BMAL2: variants seen among roughly 807,000 people sequenced by gnomAD.
BMAL2 encodes basic helix-loop-helix ARNT like 2, also known as basic helix-loop-helix ARNT-like protein 2.
the BMAL2 span, among the ~76,000 whole-genome samples, chr12:27,412,158 C>G: frequency 6.6e-6 from 1 of 152,116 alleles, no homozygotes; most frequent in Non-Finnish European, 1.5e-5. Flanking sequence ...ATTATTTGAC[C>G]ATATATACTG....
chr12:27,346,062 A>G, the BMAL2 span, among the ~76,000 whole-genome samples: 1 of 152,206 alleles, frequency 6.6e-6, no homozygotes, highest in Non-Finnish European at 1.5e-5. Context: ...GAACAAATGA[A>G]TGAGCTTGGG....
chr12:27,385,493 C>A, the BMAL2 span: 1 of 1,606,114 alleles, frequency 6.2e-7, no homozygotes, highest in Non-Finnish European at 8.5e-7. Flanking sequence ...TTGACAAATT[C>A]TTATGTGGGA....
At chr12:27,404,656 C>G in the BMAL2 span, among the ~76,000 whole-genome samples, 1 of 152,198 alleles carries the variant, frequency 6.6e-6, no homozygotes, top group Non-Finnish European at 1.5e-5. Flanking sequence ...CAGCTCCAGT[C>G]TACAGCTCCC....
the BMAL2 span, chr12:27,389,387 T>A: frequency 2.6e-6 from 2 of 772,294 alleles, no homozygotes; most frequent in Non-Finnish European, 2.1e-6. Context: ...AACAGCTAAC[T>A]AAGCTTTTAT....
the BMAL2 span, chr12:27,403,532 A>G: frequency 1.3e-6 from 2 of 1,584,222 alleles, no homozygotes; most frequent in South Asian, 1.1e-5. Flanking sequence ...GAAATTCTGG[A>G]TTTACAGAGG....
At chr12:27,400,491 T>C in the BMAL2 span, 11 of 1,469,810 alleles carry the variant, frequency 7.5e-6, no homozygotes, top group Middle Eastern at 1.8e-4. Context: ...TAATGACTTA[T>C]TTATAATGAT....
chr12:27,413,597 C>A, the BMAL2 span, among the ~76,000 whole-genome samples: 1 of 152,094 alleles, frequency 6.6e-6, no homozygotes, highest in African/African-American at 2.4e-5. Flanking sequence ...AAGAATGGAA[C>A]AAAGGAACTA....
At chr12:27,397,983 G>A in the BMAL2 span, among the ~76,000 whole-genome samples, 3 of 152,186 alleles carry the variant, frequency 2.0e-5, no homozygotes, top group African/African-American at 4.8e-5. Flanking sequence ...GTCCAAAGCC[G>A]GGACTCTCCG....
the BMAL2 span, among the ~76,000 whole-genome samples, chr12:27,392,445 CTTAGTCATA>C: frequency 6.7e-6 from 1 of 148,670 alleles, no homozygotes; most frequent in Non-Finnish European, 1.5e-5. Context: ...CATCAGTCAT[CTTAGTCATA>C]CCATAGCGAC....
chr12:27,363,397 A>C, the BMAL2 span, among the ~76,000 whole-genome samples: 1 of 152,194 alleles, frequency 6.6e-6, no homozygotes, highest in Non-Finnish European at 1.5e-5. Flanking sequence ...GTAATGCAAA[A>C]ATGGTTTCCA....
chr12:27,370,218 C>G, the BMAL2 span: 2 of 1,613,204 alleles, frequency 1.2e-6, no homozygotes, highest in Non-Finnish European at 1.7e-6. Context: ...ATATCAGCCT[C>G]CAGTGGCAGC....
chr12:27,340,325 C>G, the BMAL2 span, among the ~76,000 whole-genome samples: 2 of 152,156 alleles, frequency 1.3e-5, no homozygotes, highest in African/African-American at 4.8e-5. Flanking sequence ...ATATTGCTAG[C>G]CAGTTATCCC....
the BMAL2 span, among the ~76,000 whole-genome samples, chr12:27,345,842 T>C: frequency 1.3e-5 from 2 of 152,178 alleles, no homozygotes; most frequent in Admixed American, 6.5e-5. Flanking sequence ...TATTAATCTT[T>C]TATTGCAAAG....
the BMAL2 span, among the ~76,000 whole-genome samples, chr12:27,359,122 T>A: frequency 6.6e-6 from 1 of 152,194 alleles, no homozygotes; most frequent in Non-Finnish European, 1.5e-5. Context: ...AGTGCCTTTT[T>A]TCCAAAGCAG....
the BMAL2 span, among the ~76,000 whole-genome samples, chr12:27,383,050 T>C: frequency 6.6e-6 from 1 of 152,226 alleles, no homozygotes; most frequent in Non-Finnish European, 1.5e-5. Flanking sequence ...CTCTGCAGCA[T>C]GAGGTCCTGT....
chr12:27,371,293 A>G, the BMAL2 span, among the ~76,000 whole-genome samples: 1 of 152,200 alleles, frequency 6.6e-6, no homozygotes, highest in East Asian at 1.9e-4. Context: ...GGCTGCAGTG[A>G]GCTATGGTCA....
chr12:27,369,940 G>A, the BMAL2 span, among the ~76,000 whole-genome samples: 2 of 152,176 alleles, frequency 1.3e-5, no homozygotes, highest in Non-Finnish European at 2.9e-5. Context: ...GAAATGTCAA[G>A]CAGTTTGCCC....
At chr12:27,419,754 A>T in the BMAL2 span, among the ~76,000 whole-genome samples, 1 of 152,336 alleles carries the variant, frequency 6.6e-6, no homozygotes, top group East Asian at 1.9e-4. Flanking sequence ...GTTCCACTGT[A>T]CTTTGACACA....
the BMAL2 span, among the ~76,000 whole-genome samples, chr12:27,406,353 G>C: frequency 2.0e-5 from 3 of 152,286 alleles, no homozygotes; most frequent in Non-Finnish European, 4.4e-5. Flanking sequence ...GAAAGGTCAG[G>C]TTACCCACAA....
Sources: gnomAD v4.1 joint callset for allele counts (sites outside exome capture counted in the v4.1 genomes callset) on GRCh38, gnomAD v4.1.1 for gene constraint, MANE v1.5 for transcripts, NCBI Gene and HGNC (gene_info 2026-07-23, HGNC 2026-07-21) for gene names.